The following PABPC4L variants were observed in gnomAD, a reference collection of about 807,000 sequenced individuals.
PABPC4L encodes poly(A) binding protein cytoplasmic 4 like, also known as polyadenylate-binding protein 4-like.
For missense variants in PABPC4L, 452 were observed against 451.4 expected (o/e 1.00, Z -0.01); for synonymous variants, 169 against 164.1 (o/e 1.03, Z -0.23).
chr4:134,099,646 T>A, the PABPC4L span, among the ~76,000 whole-genome samples: 3 of 151,784 alleles, frequency 2.0e-5, no homozygotes, highest in Middle Eastern at 0.01. Flanking sequence ...AATTTCTAAG[T>A]CAACTCTGCA....
At chr4:134,000,077 T>A in the PABPC4L span, among the ~76,000 whole-genome samples, 1 of 152,146 alleles carries the variant, frequency 6.6e-6, no homozygotes, top group Non-Finnish European at 1.5e-5. Context: ...AAGATTCACA[T>A]GTGTTTACAT....
the PABPC4L span, among the ~76,000 whole-genome samples, chr4:134,091,943 T>C: frequency 2.0e-5 from 3 of 152,134 alleles, no homozygotes; most frequent in Admixed American, 1.3e-4. Flanking sequence ...AAAGTAATAA[T>C]GATCTGGCTT....
the PABPC4L span, among the ~76,000 whole-genome samples, chr4:134,047,243 A>G: frequency 6.6e-6 from 1 of 152,174 alleles, no homozygotes; most frequent in South Asian, 2.1e-4. Context: ...ATTGGTCACT[A>G]CTAGAGTCCT....
chr4:133,980,744 A>G, the PABPC4L span, among the ~76,000 whole-genome samples: 1 of 151,970 alleles, frequency 6.6e-6, no homozygotes, highest in South Asian at 2.1e-4. Flanking sequence ...TTCCACTCTT[A>G]TGAAGTGTTT....
chr4:134,114,159 T>A, the PABPC4L span, among the ~76,000 whole-genome samples: 1 of 151,662 alleles, frequency 6.6e-6, no homozygotes. Flanking sequence ...AGGGTGGATT[T>A]TGGAGTTCAC....
the PABPC4L span, among the ~76,000 whole-genome samples, chr4:134,102,369 T>A: frequency 1.3e-5 from 2 of 151,522 alleles, no homozygotes; most frequent in Non-Finnish European, 3.0e-5. Context: ...GAAGAAATTT[T>A]TACCTTGTCT....
At chr4:133,962,325 A>G in the PABPC4L span, among the ~76,000 whole-genome samples, 2 of 152,344 alleles carry the variant, frequency 1.3e-5, no homozygotes, top group South Asian at 4.1e-4. Flanking sequence ...CTTAGTTATT[A>G]AGCTAATCAG....
At chr4:134,015,315 T>C in the PABPC4L span, among the ~76,000 whole-genome samples, 1 of 152,132 alleles carries the variant, frequency 6.6e-6, no homozygotes. Context: ...CTGAGCCTTA[T>C]CAACAAAATT....
the PABPC4L span, among the ~76,000 whole-genome samples, chr4:134,010,956 G>T: frequency 6.6e-6 from 1 of 152,026 alleles, no homozygotes; most frequent in Non-Finnish European, 1.5e-5. Flanking sequence ...TTGAAGAATA[G>T]AATATTATTT....
At chr4:134,185,554 T>C in the PABPC4L span, among the ~76,000 whole-genome samples, 1 of 152,254 alleles carries the variant, frequency 6.6e-6, no homozygotes, top group East Asian at 1.9e-4. Context: ...ATAAGAGCTA[T>C]TTATGATAAA....
chr4:134,022,165 T>C, the PABPC4L span, among the ~76,000 whole-genome samples: 4 of 152,130 alleles, frequency 2.6e-5, no homozygotes, highest in Non-Finnish European at 5.9e-5. Flanking sequence ...GAATTTCTGC[T>C]CTTTCCCAAA....
the PABPC4L span, among the ~76,000 whole-genome samples, chr4:134,027,169 G>T: frequency 3.3e-5 from 5 of 152,246 alleles, no homozygotes; most frequent in East Asian, 9.7e-4. Context: ...TAGATTATAA[G>T]CACCCATGCA....
the PABPC4L span, among the ~76,000 whole-genome samples, chr4:134,036,586 T>C: frequency 6.6e-6 from 1 of 152,180 alleles, no homozygotes; most frequent in Non-Finnish European, 1.5e-5. Context: ...ATCAGATATA[T>C]CTAGGTTTTA....
the PABPC4L span, among the ~76,000 whole-genome samples, chr4:134,034,373 T>C: frequency 1.3e-5 from 2 of 151,970 alleles, no homozygotes; most frequent in Non-Finnish European, 2.9e-5. Flanking sequence ...TTCATGCCTA[T>C]TAACACAACA....
the PABPC4L span, among the ~76,000 whole-genome samples, chr4:133,996,622 T>A: frequency 6.6e-6 from 1 of 152,142 alleles, no homozygotes; most frequent in African/African-American, 2.4e-5. Context: ...TGCAATCCGT[T>A]GCAGCATTCC....
the PABPC4L span, among the ~76,000 whole-genome samples, chr4:134,147,415 A>C: frequency 2.6e-5 from 4 of 152,158 alleles, no homozygotes; most frequent in South Asian, 2.1e-4. Flanking sequence ...ATGATCCTAC[A>C]AAAACTATGA....
At chr4:134,157,085 T>C in the PABPC4L span, among the ~76,000 whole-genome samples, 2 of 151,878 alleles carry the variant, frequency 1.3e-5, no homozygotes, top group African/African-American at 4.8e-5. Context: ...TTACTTTAGC[T>C]GTATCCCATA....
chr4:134,076,744 G>A, the PABPC4L span, among the ~76,000 whole-genome samples: 40 of 152,182 alleles, frequency 2.6e-4, no homozygotes, highest in East Asian at 2.9e-3. Flanking sequence ...GGAGCTTTGA[G>A]GGGACAACTG....
the PABPC4L span, among the ~76,000 whole-genome samples, chr4:134,008,820 AG>A: frequency 2.6e-5 from 4 of 151,804 alleles, no homozygotes; most frequent in Non-Finnish European, 5.9e-5. Context: ...ATCTTGACAA[AG>A]GTGCTCTTAC....
Sources: gnomAD v4.1 joint callset for allele counts (sites outside exome capture counted in the v4.1 genomes callset) on GRCh38, gnomAD v4.1.1 for gene constraint, MANE v1.5 for transcripts, NCBI Gene and HGNC (gene_info 2026-07-23, HGNC 2026-07-21) for gene names.